Variants in ZNF738 observed in about 807,000 individuals in gnomAD.
The protein encoded by ZNF738 is protein ZNF738.
A neutral mutation model predicts 9.2 loss-of-function variants in ZNF738; 10 were observed. The observed-to-expected ratio is 1.09, with a 90% confidence interval of 0.67 to 1.85. The LOEUF is 1.85. Among genes scored for constraint, ZNF738 ranks in the 40% most tolerant of loss-of-function variants. The probability of loss-of-function intolerance (pLI) is 0.00; values close to 1 mark genes in which losing one functional copy is unlikely to be tolerated. For missense variants in ZNF738, 346 were observed against 283.6 expected (o/e 1.22, Z -1.58); for synonymous variants, 113 against 94.5 (o/e 1.20, Z -1.14).
At chr19:21,381,111 T>A in intron 4 of ZNF738, 1 of 715,436 alleles carries the variant, frequency 1.4e-6, no homozygotes, top group East Asian at 2.5e-5. Flanking sequence ...TTTATTTTCC[T>A]TACAAGGCAG....
chr19:21,362,681 G>A (rs976434605), intron 2 of ZNF738, among the ~76,000 whole-genome samples: 1 of 152,116 alleles, frequency 6.6e-6, no homozygotes, highest in African/African-American at 2.4e-5. Flanking sequence ...TTTACAAAGG[G>A]CATAAAAGAC....
rs1352975280 is a variant in ZNF738 at position 21,384,133 on chromosome 19, A to G, written c.*459A>G. 1.7e-5 allele frequency: 25 copies of G among 1,486,176 alleles called. No homozygotes were observed. Among genetic ancestry groups the G allele is most frequent in the Non-Finnish European group, 2.2e-5 (24 of 1,068,644 alleles). The allele number at this position is 1,486,176 out of a possible 1,614,324, so 92.1% of individuals were successfully genotyped here. ...TACCGATTATCTTATCTTACTACAC[A>G]TAAGATGATTCATACTGTAGAGAAA... On this transcript the variant is annotated 3_prime_UTR_variant, in exon 5 of 5. Coordinates refer to ENST00000683779, the MANE Select transcript of ZNF738 (RefSeq NM_001355237.2).
Position 21,387,818 on chromosome 19 carries a change from G to A in ZNF738, c.*4144G>A, listed in dbSNP as rs943109143. ...ACCTTTACTTGAATCAAATTTTATT[G>A]TACACATTTTGTACTAGAGGAAAAC... On this transcript the variant is annotated 3_prime_UTR_variant, in exon 5 of 5. Coordinates refer to ENST00000683779, the MANE Select transcript of ZNF738 (RefSeq NM_001355237.2). Among the ~76,000 whole-genome samples, 6 of 152,110 alleles carry A rather than the reference G, an allele frequency of 3.9e-5. No homozygotes were observed. The highest frequency in any genetic ancestry group is 8.8e-5 in the Non-Finnish European group (6 of 68,002).
intron 4 of ZNF738, chr19:21,378,656 C>T (rs1035869241): frequency 1.1e-4 from 39 of 364,040 alleles, no homozygotes; most frequent in Middle Eastern, 6.0e-4. Context: ...TTCCCCAGGC[C>T]GGAGTGAAAT....
chr19:21,366,751 C>T (rs1255239276), intron 2 of ZNF738, among the ~76,000 whole-genome samples: 6 of 152,132 alleles, frequency 3.9e-5, no homozygotes, highest in African/African-American at 1.2e-4. Flanking sequence ...TAGACCTTTA[C>T]GATGTAACAT....
At chr19:21,376,329 T>C (rs1268374492) in intron 4 of ZNF738, 23 of 163,730 alleles carry the variant, frequency 1.4e-4, no homozygotes, top group Non-Finnish European at 2.7e-4. Flanking sequence ...AAACTTTATG[T>C]TAAACTATTT....
At chr19:21,370,470 A>T (rs2914644) in intron 2 of ZNF738, among the ~76,000 whole-genome samples, 5,591 of 152,232 alleles carry the variant, frequency 0.037, 342 homozygotes, top group African/African-American at 0.12. Context: ...TACCAACTCT[A>T]ATTTTTACAT....
At chr19:21,374,799 G>C (rs1380001738) in intron 2 of ZNF738, among the ~76,000 whole-genome samples, 1 of 151,694 alleles carries the variant, frequency 6.6e-6, no homozygotes, top group African/African-American at 2.4e-5. Context: ...TAGAAATTCA[G>C]AATCTCAGAC....
rs1216243508 is a variant in ZNF738, at chr19:21,385,572, GA to G, written c.*1899del. ...AGTCCTCACACCTTACTGCACATAA[GA>G]GAAATCATACTGGAAGGAAACCCTA... On this transcript the variant is annotated 3_prime_UTR_variant, in exon 5 of 5. Transcript: ENST00000683779. 6.6e-6 allele frequency among the ~76,000 whole-genome samples: 1 copy of G among 152,146 alleles called. No individual in the cohort carries two copies. Among genetic ancestry groups the G allele is most frequent in the Non-Finnish European group, 1.5e-5 (1 of 68,032 alleles).
intron 4 of ZNF738, chr19:21,377,968 A>G (rs1390302471): frequency 7.6e-6 from 3 of 394,884 alleles, no homozygotes; most frequent in Admixed American, 8.9e-5. Context: ...TTTTACTTTG[A>G]TATGCTTTTA....
Position 21,381,294 on chromosome 19 carries a change from A to C in ZNF738, c.320-1572A>C. The C allele has an allele frequency of 1.9e-6, 3 of 1,589,534 alleles. No individual in the cohort carries two copies. In the South Asian group the frequency reaches 3.3e-5, roughly 18 times the overall value. On this transcript the variant is annotated intron_variant, in intron 4 of 4. Coordinates refer to ENST00000683779, the MANE Select transcript of ZNF738 (RefSeq NM_001355237.2). Reference sequence around the variant, plus strand: ...TTATTGAACACAAACTCACTGGATAATTTGTCTTCAACATAGTCCATTTCC... The same window carrying C: ...TTATTGAACACAAACTCACTGGATACTTTGTCTTCAACATAGTCCATTTCC...
chr19:21,385,311 C>G lies in ZNF738; in HGVS notation c.*1637C>G. Among the ~76,000 whole-genome samples, 1 of 152,110 alleles carries G rather than the reference C, an allele frequency of 6.6e-6. No individual in the cohort carries two copies. Among genetic ancestry groups the G allele is most frequent in the Non-Finnish European group, 1.5e-5 (1 of 68,020 alleles). ...CTCTACTAAAAATATAAAAAATTAGCCAGGTGTAGTGGTGCACACCTGTAG... is the reference window on the plus strand; with the variant it reads ...CTCTACTAAAAATATAAAAAATTAGGCAGGTGTAGTGGTGCACACCTGTAG... On this transcript the variant is annotated 3_prime_UTR_variant, in exon 5 of 5. Transcript: ENST00000683779.
chr19:21,369,845 G>T (rs573300843), intron 2 of ZNF738, among the ~76,000 whole-genome samples: 2 of 148,246 alleles, frequency 1.3e-5, no homozygotes, highest in Admixed American at 6.8e-5. Context: ...ACATAGTCTC[G>T]CACTCTCTCA....
At chr19:21,379,211 T>C (rs771621746) in intron 4 of ZNF738, 7 of 152,146 alleles carry the variant, frequency 4.6e-5, no homozygotes, top group Non-Finnish European at 8.8e-5. Flanking sequence ...TATACATTTT[T>C]TATTTCTTTC....
Position 21,383,653 on chromosome 19 carries a change from G to T in ZNF738, c.1107G>T (p.Glu369Asp). 1 of 974,584 alleles carries T rather than the reference G, an allele frequency of 1.0e-6. No individual in the cohort carries two copies. The highest frequency in any genetic ancestry group is 1.6e-6 in the Non-Finnish European group (1 of 613,616). The allele number at this position is 974,584 out of a possible 1,614,324, so 60.4% of individuals were successfully genotyped here. ...GACATAAGATAATTCATACTGGAGA[G>T]AAACCCTACAAATGTGAATAATGTG... ...LTRHKIIHTG[E>D]KPYKCE Residue 369 changes from glutamate (E) to aspartate (D), a missense_variant, in exon 5 of 5, where the codon GAG becomes GAT. Physicochemically the swap from Glu to Asp is conservative, Grantham distance 45. Coordinates refer to ENST00000683779, the MANE Select transcript of ZNF738 (RefSeq NM_001355237.2).
chr19:21,382,066 C>CTTTTTTTTTTTTTTTTTTT (rs139193236), intron 4 of ZNF738: 20 of 114,572 alleles, frequency 1.7e-4, no homozygotes, highest in East Asian at 2.5e-4. Context: ...TTCTTTCTTT[C>CTTTTTTTTTTTTTTTTTTT]TTTTTTTTTT....
intron 2 of ZNF738, among the ~76,000 whole-genome samples, chr19:21,367,467 ACT>A (rs1254754705): frequency 2.0e-5 from 3 of 151,454 alleles, no homozygotes; most frequent in Non-Finnish European, 4.4e-5. Context: ...GTCTGTGCTG[ACT>A]CTGGGTGGTG....
intron 2 of ZNF738, 128 bp downstream of exon 2, chr19:21,361,986 G>A (rs1012504217): frequency 1.7e-6 from 1 of 572,566 alleles, no homozygotes; most frequent in Non-Finnish European, 3.2e-6. Context: ...GGTTGCTGAG[G>A]CAGGACAATC....
At chr19:21,376,634 C>T (rs1484291437) in intron 4 of ZNF738, among the ~76,000 whole-genome samples, 1 of 152,118 alleles carries the variant, frequency 6.6e-6, no homozygotes, top group Non-Finnish European at 1.5e-5. Context: ...CTCATCGTAA[C>T]CTCTGCCTCC....
Sources: allele counts gnomAD v4.1 joint callset (sites outside exome capture counted in the v4.1 genomes callset), GRCh38; gene constraint gnomAD v4.1.1; transcripts MANE v1.5; gene names NCBI Gene and HGNC (gene_info 2026-07-23, HGNC 2026-07-21).